The following ALDH1L1 variants were observed in gnomAD, a reference collection of about 807,000 sequenced individuals.
The protein encoded by ALDH1L1 is cytosolic 10-formyltetrahydrofolate dehydrogenase.
Under a neutral mutation model 101.1 loss-of-function variants are expected in ALDH1L1, and 68 were observed. The observed-to-expected ratio is 0.67, with a 90% CI of 0.55 to 0.82. The LOEUF is 0.82. ALDH1L1 is among the 40% of genes least tolerant of loss of function. ALDH1L1 has a pLI of 0.00. For synonymous variants in ALDH1L1, 486 were observed against 470.8 expected (o/e 1.03, Z -0.42); for missense variants, 1,087 against 1,172.7 (o/e 0.93, Z 1.07).
At chr3:126,129,756 T>C (rs1868128) in intron 14 of ALDH1L1, 96,744 of 152,354 alleles carry the variant, frequency 0.63, 30,830 homozygotes, top group Middle Eastern at 0.71. Flanking sequence ...CCCTTCTCCC[T>C]ACTCCTGCCC....
chr3:126,168,069 C>T (rs531747424), intron 1 of ALDH1L1, among the ~76,000 whole-genome samples: 18 of 152,018 alleles, frequency 1.2e-4, no homozygotes, highest in Admixed American at 1.1e-3. Flanking sequence ...TATAAAAAGG[C>T]ATAAAAATGT....
intron 1 of ALDH1L1, among the ~76,000 whole-genome samples, chr3:126,192,915 C>CA (rs963298672): frequency 6.6e-6 from 1 of 151,984 alleles, no homozygotes; most frequent in Non-Finnish European, 1.5e-5. Flanking sequence ...AATTTATAGA[C>CA]AAAAAAGGGA....
rs867896962 is a variant in ALDH1L1 at position 126,137,903 on chromosome 3, C to G, written c.1134G>C (p.Val378=). 6.2e-7 allele frequency: 1 copy of G among 1,614,182 alleles called. No homozygotes were observed. Among genetic ancestry groups the G allele is most frequent in the Non-Finnish European group, 8.5e-7 (1 of 1,180,014 alleles). Residue 378 remains valine (V), a synonymous_variant, in exon 10 of 23, where the codon GTG becomes GTC. Coordinates refer to ENST00000393434, the MANE Select transcript of ALDH1L1 (RefSeq NM_012190.4). ...CDGLELENED[V]YMASTFGDFI... Reference sequence around the variant, plus strand: ...AGTCCCCAAAGGTGGATGCCATGTACACATCTTCATTTTCTAACTCCAGGC... The same window carrying G: ...AGTCCCCAAAGGTGGATGCCATGTAGACATCTTCATTTTCTAACTCCAGGC...
intron 1 of ALDH1L1, among the ~76,000 whole-genome samples, chr3:126,164,028 G>T (rs928803975): frequency 6.6e-6 from 1 of 152,036 alleles, no homozygotes; most frequent in Admixed American, 6.5e-5. Flanking sequence ...CTACTTGGGA[G>T]GCTGAGGCAT....
chr3:126,175,630 T>C (rs2081353888), intron 1 of ALDH1L1, among the ~76,000 whole-genome samples: 1 of 152,134 alleles, frequency 6.6e-6, no homozygotes, highest in African/African-American at 2.4e-5. Flanking sequence ...AAAATGCATT[T>C]GACAAGAATC....
chr3:126,147,717 G>A (rs2080724300), intron 8 of ALDH1L1, among the ~76,000 whole-genome samples: 1 of 152,126 alleles, frequency 6.6e-6, no homozygotes, highest in African/African-American at 2.4e-5. Flanking sequence ...CAGGTTGGGG[G>A]TGAGGCATGA....
chr3:126,118,170 A>G, intron 16 of ALDH1L1, 72 bp from the exon 17 acceptor site: 1 of 1,235,790 alleles, frequency 8.1e-7, no homozygotes. Flanking sequence ...CACCTCCAGG[A>G]CTGCACAGGT....
chr3:126,185,794 A>G (rs1358160909), upstream of ALDH1L1, among the ~76,000 whole-genome samples: 2 of 152,172 alleles, frequency 1.3e-5, no homozygotes, highest in Admixed American at 6.5e-5. Context: ...TTAGATTCTC[A>G]TTTTCTTATT....
chr3:126,182,168 G>A (rs1486594140), upstream of ALDH1L1, among the ~76,000 whole-genome samples: 1 of 151,434 alleles, frequency 6.6e-6, no homozygotes. Flanking sequence ...TTTTTTTGAG[G>A]TAGAGTCTCA....
chr3:126,173,489 T>C (rs2081319434), intron 1 of ALDH1L1, among the ~76,000 whole-genome samples: 1 of 151,644 alleles, frequency 6.6e-6, no homozygotes, highest in African/African-American at 2.4e-5. Flanking sequence ...GAAAATGGAA[T>C]CATATAAAAT....
intron 1 of ALDH1L1, among the ~76,000 whole-genome samples, chr3:126,176,148 T>A (rs2081361517): frequency 1.3e-5 from 2 of 152,140 alleles, no homozygotes. Context: ...TCAAAATCTA[T>A]GTGAGAATAA....
intron 9 of ALDH1L1, among the ~76,000 whole-genome samples, chr3:126,142,542 A>G (rs2080587959): frequency 1.4e-5 from 2 of 146,912 alleles, no homozygotes; most frequent in African/African-American, 5.0e-5. Context: ...TACTTCACCT[A>G]TGAAAATCAA....
intron 2 of ALDH1L1, 49 bp downstream of exon 2, chr3:126,160,804 A>T: frequency 6.3e-7 from 1 of 1,598,392 alleles, no homozygotes; most frequent in Non-Finnish European, 8.5e-7. Context: ...TTCTACCTGG[A>T]TGGGCGGGCC....
upstream of ALDH1L1, among the ~76,000 whole-genome samples, chr3:126,186,447 C>T (rs1309301832): frequency 6.6e-6 from 1 of 152,166 alleles, no homozygotes; most frequent in East Asian, 1.9e-4. Context: ...CAGGATGGTG[C>T]CATGGCCCAG....
intron 1 of ALDH1L1, among the ~76,000 whole-genome samples, chr3:126,171,766 C>T (rs1334912504): frequency 6.6e-6 from 1 of 152,212 alleles, no homozygotes; most frequent in Non-Finnish European, 1.5e-5. Context: ...TCCAGCCCCT[C>T]TAGCCTTTCT....
intron 12 of ALDH1L1, among the ~76,000 whole-genome samples, chr3:126,131,785 T>C (rs999032592): frequency 2.0e-5 from 3 of 152,272 alleles, no homozygotes; most frequent in Admixed American, 1.3e-4. Flanking sequence ...CCTGAAGTAT[T>C]TGTGGATCCA....
At chr3:126,123,579 G>A (rs2080121127) in intron 16 of ALDH1L1, among the ~76,000 whole-genome samples, 1 of 146,740 alleles carries the variant, frequency 6.8e-6, no homozygotes, top group African/African-American at 2.5e-5. Flanking sequence ...TTTTTCAAAT[G>A]CTTTCCTTAT....
intron 1 of ALDH1L1, among the ~76,000 whole-genome samples, chr3:126,170,026 C>G (rs776809747): frequency 7.9e-5 from 12 of 152,096 alleles, no homozygotes; most frequent in Non-Finnish European, 1.3e-4. Context: ...GCTGAGAAAG[C>G]AACCCCTAAC....
exon 1 of ALDH1L1, chr3:126,197,865 C>T (rs1203422189): frequency 6.6e-6 from 1 of 151,996 alleles, no homozygotes; most frequent in East Asian, 1.9e-4. Flanking sequence ...ATGAACGATT[C>T]ACAAATTGGG....
Sources: allele counts gnomAD v4.1 joint callset (sites outside exome capture counted in the v4.1 genomes callset), GRCh38; gene constraint gnomAD v4.1.1; transcripts MANE v1.5; gene names NCBI Gene and HGNC (gene_info 2026-07-23, HGNC 2026-07-21).